Variants in CCDC60 observed in about 807,000 individuals in gnomAD.
The protein encoded by CCDC60 is coiled-coil domain containing 60, also known as coiled-coil domain-containing protein 60.
Under a neutral mutation model 63.5 loss-of-function variants are expected in CCDC60, and 54 were observed. The ratio of observed to expected loss-of-function variants is 0.85; its 90% CI spans 0.68 to 1.07. CCDC60 has a LOEUF of 1.07. CCDC60 is among the 50% of genes least tolerant of loss of function. The probability of loss-of-function intolerance (pLI) is 0.00; values close to 1 mark genes in which losing one functional copy is unlikely to be tolerated. For synonymous variants in CCDC60, 206 were observed against 238.8 expected, an observed-to-expected ratio of 0.86 and a Z score of 1.27; for missense variants, 651 against 684.3, an observed-to-expected ratio of 0.95 and a Z score of 0.54.
chr12:119,449,798 C>A, intron 2 of CCDC60, among the ~76,000 whole-genome samples: 1 of 151,972 alleles, frequency 6.6e-6, no homozygotes, highest in South Asian at 2.1e-4. Flanking sequence ...TAACCTAGCC[C>A]AGGAAAAGCA....
chr12:119,456,003 G>A lies in CCDC60; in HGVS notation c.171-15991G>A, dbSNP rs58426958. On this transcript the variant is annotated intron_variant, in intron 2 of 13. Transcript: ENST00000327554. This position sits in a 1 kb window ranked among gnomAD's most constrained non-coding sequence, Gnocchi z 4.6. ...GGAGAGAGAAAGAGAGAGAGAAAGA[G>A]AAAGAAAGAAAGAAAGAAAGAAAGA... Among the ~76,000 whole-genome samples the A allele has an allele frequency of 0.47, 29,839 of 63,968 alleles. 4,949 individuals are homozygous for A. Among genetic ancestry groups the A allele is most frequent in the South Asian group, 0.54 (902 of 1,684 alleles). 42.0% of individuals were successfully genotyped at this position (63,968 alleles called of 152,430 possible).
chr12:119,519,318 A>G (rs569109364), intron 8 of CCDC60, among the ~76,000 whole-genome samples: 1 of 152,044 alleles, frequency 6.6e-6, no homozygotes, highest in Non-Finnish European at 1.5e-5. Context: ...AGAAGCAGTT[A>G]GGATACTTGT....
At chr12:119,452,476 C>T (rs1278953078) in intron 2 of CCDC60, among the ~76,000 whole-genome samples, 2 of 152,210 alleles carry the variant, frequency 1.3e-5, no homozygotes, top group African/African-American at 4.8e-5. Context: ...TCCACCCAGA[C>T]TGGGTACCTT....
intron 1 of CCDC60, among the ~76,000 whole-genome samples, chr12:119,414,466 A>G (rs920101747): frequency 2.0e-5 from 3 of 152,216 alleles, no homozygotes; most frequent in Admixed American, 2.0e-4. Flanking sequence ...CTTCCAGTTC[A>G]AAGGATGGGA....
chr12:119,400,410 T>C (rs1302199788), intron 1 of CCDC60, among the ~76,000 whole-genome samples: 2 of 152,154 alleles, frequency 1.3e-5, no homozygotes, highest in Non-Finnish European at 2.9e-5. Flanking sequence ...AGGAAGATAA[T>C]TGATGGAGAC....
At position 119,531,070 on chromosome 12, in the gene CCDC60, A is replaced by G; in HGVS notation, c.1551+7A>G. 1 of 1,611,266 alleles carries G rather than the reference A, an allele frequency of 6.2e-7. No homozygotes were observed. The highest frequency in any genetic ancestry group is 8.5e-7 in the Non-Finnish European group (1 of 1,178,022). On this transcript the variant is annotated splice_region_variant and intron_variant, in intron 13 of 13. Coordinates refer to ENST00000327554, the MANE Select transcript of CCDC60 (RefSeq NM_178499.5). ...CATCGCTGTGGCTATTGAGGTAAAC[A>G]CCACCTCCTTCCCCTCCACAGTGTT...
At chr12:119,344,211 A>T (rs963840066) in intron 1 of CCDC60, among the ~76,000 whole-genome samples, 1 of 152,114 alleles carries the variant, frequency 6.6e-6, no homozygotes, top group Admixed American at 6.5e-5. Context: ...CAGCCTCCCC[A>T]TGGTGACAAC....
chr12:119,382,384 C>A (rs947893467), intron 1 of CCDC60, among the ~76,000 whole-genome samples: 2 of 152,316 alleles, frequency 1.3e-5, no homozygotes, highest in East Asian at 1.9e-4. Context: ...CGATGAGCAC[C>A]ATTTCTGCCC....
At chr12:119,454,624 G>C (rs1340081994) in intron 2 of CCDC60, among the ~76,000 whole-genome samples, 1 of 152,146 alleles carries the variant, frequency 6.6e-6, no homozygotes, top group African/African-American at 2.4e-5. Flanking sequence ...CATTGATTTA[G>C]CCAAGGACAA....
At chr12:119,473,611 C>A (rs1363111583) in intron 3 of CCDC60, among the ~76,000 whole-genome samples, 1 of 152,146 alleles carries the variant, frequency 6.6e-6, no homozygotes, top group Admixed American at 6.6e-5. Flanking sequence ...CCTCCTCCCA[C>A]CCTTCCCCCA....
intron 11 of CCDC60, 89 bp downstream of exon 11, chr12:119,523,907 C>T: frequency 2.2e-6 from 3 of 1,380,642 alleles, no homozygotes; most frequent in Non-Finnish European, 3.0e-6. Context: ...GGGGCTATAT[C>T]ACAAACAAGA....
At chr12:119,471,960 C>T in intron 2 of CCDC60, 34 bp from the exon 3 acceptor site, 2 of 1,591,072 alleles carry the variant, frequency 1.3e-6, no homozygotes, top group Non-Finnish European at 1.7e-6. Context: ...CCACCTTCCT[C>T]CCTCTCTCCC....
chr12:119,507,334 G>A (rs763129249), intron 7 of CCDC60, among the ~76,000 whole-genome samples: 10 of 151,308 alleles, frequency 6.6e-5, no homozygotes, highest in African/African-American at 9.7e-5. Context: ...CCCAAGCCCC[G>A]AAAAGCTGTT....
intron 1 of CCDC60, among the ~76,000 whole-genome samples, chr12:119,399,488 C>T (rs866618066): frequency 2.0e-5 from 3 of 152,130 alleles, no homozygotes; most frequent in African/African-American, 4.8e-5. Context: ...GCCTGACATG[C>T]GGAGCCAGCT....
chr12:119,364,388 C>A (rs1198657204), intron 1 of CCDC60, among the ~76,000 whole-genome samples: 1 of 152,112 alleles, frequency 6.6e-6, no homozygotes, highest in Non-Finnish European at 1.5e-5. Flanking sequence ...CTCCTCCTAC[C>A]CTAAAACCCA....
chr12:119,393,339 GA>G, intron 1 of CCDC60, among the ~76,000 whole-genome samples: 1 of 152,182 alleles, frequency 6.6e-6, no homozygotes, highest in Non-Finnish European at 1.5e-5. Context: ...GGAGGAGGGG[GA>G]AAATGCATTT....
chr12:119,405,226 A>G lies in CCDC60; in HGVS notation c.91-23457A>G, dbSNP rs538587750. Among the ~76,000 whole-genome samples the G allele has an allele frequency of 8.5e-5, 13 of 152,310 alleles. No individual in the cohort carries two copies. The East Asian group carries it at 9.7e-4, about 11-fold the overall frequency. The stretch of plus-strand genomic sequence containing the variant: ...GCTTTTCAAACAAGCCTGAACCCCA[A>G]TTGGTTTCTCAGCGACTTGATCCTC... On this transcript the variant is annotated intron_variant, in intron 1 of 13. Coordinates refer to ENST00000327554, the MANE Select transcript of CCDC60 (RefSeq NM_178499.5).
chr12:119,335,163 G>T lies in CCDC60; in HGVS notation c.-14G>T. On this transcript the variant is annotated 5_prime_UTR_variant, in exon 1 of 14. Coordinates refer to ENST00000327554, the MANE Select transcript of CCDC60 (RefSeq NM_178499.5). Reference sequence around the variant, plus strand: ...GTCTTGGGGGCACAGGCTAAAACCTGAAGGATTTTTAAGATGACCAAGGTT... The same window carrying T: ...GTCTTGGGGGCACAGGCTAAAACCTTAAGGATTTTTAAGATGACCAAGGTT... 1 of 1,601,132 alleles carries T rather than the reference G, an allele frequency of 6.2e-7. No homozygotes were observed. The highest frequency in any genetic ancestry group is 1.1e-5 in the South Asian group (1 of 88,970).
At chr12:119,472,505 T>C (rs899015134) in intron 3 of CCDC60, among the ~76,000 whole-genome samples, 14 of 151,984 alleles carry the variant, frequency 9.2e-5, no homozygotes, top group African/African-American at 3.4e-4. Flanking sequence ...GTATCTCTGT[T>C]CCATACCTTC....
Sources: allele counts gnomAD v4.1 joint callset (sites outside exome capture counted in the v4.1 genomes callset), GRCh38; gene constraint gnomAD v4.1.1; non-coding constraint Gnocchi (gnomAD v3.1); transcripts MANE v1.5; gene names NCBI Gene and HGNC (gene_info 2026-07-23, HGNC 2026-07-21).